The following TNR variants were observed in gnomAD, a reference collection of about 807,000 sequenced individuals.
TNR encodes tenascin R, also known as tenascin-R.
TNR carries 45 observed loss-of-function variants against 150.4 expected under a neutral mutation model. The observed-to-expected ratio is 0.30, with a 90% CI of 0.24 to 0.38. TNR has a LOEUF of 0.38. TNR is among the 10% of genes least tolerant of loss of function. The pLI is 1.00. For missense variants in TNR, 1,544 were observed against 1,759.1 expected (o/e 0.88, Z 2.19); for synonymous variants, 687 against 678.4 (o/e 1.01, Z -0.20).
chr1:175,457,102 G>A (rs777257241), intron 2 of TNR, among the ~76,000 whole-genome samples: 7 of 152,140 alleles, frequency 4.6e-5, no homozygotes, highest in Non-Finnish European at 7.3e-5. Flanking sequence ...ATCCTGTTAA[G>A]GTTCCTCATA....
intron 1 of TNR, among the ~76,000 whole-genome samples, chr1:175,602,309 C>T (rs150447572): frequency 2.3e-3 from 340 of 150,298 alleles, no homozygotes; most frequent in African/African-American, 8.0e-3. Context: ...CAAATTGCAT[C>T]AGAGCTTGTT....
intron 5 of TNR, among the ~76,000 whole-genome samples, chr1:175,394,349 G>A (rs569685280): frequency 6.6e-6 from 1 of 152,168 alleles, no homozygotes; most frequent in Non-Finnish European, 1.5e-5. Context: ...GAAAAGAGAG[G>A]CACAGAGAAA....
At chr1:175,427,889 G>GCTTCCTTCCTTC (rs71129510) in intron 2 of TNR, among the ~76,000 whole-genome samples, 4,324 of 111,450 alleles carry the variant, frequency 0.039, 141 homozygotes, top group African/African-American at 0.076. Context: ...TCCCTTCTTC[G>GCTTCCTTCCTTC]CTTCCTTCCT....
chr1:175,593,293 C>G (rs1662874583), intron 1 of TNR, among the ~76,000 whole-genome samples: 1 of 152,174 alleles, frequency 6.6e-6, no homozygotes, highest in African/African-American at 2.4e-5. Context: ...CCTACACCCT[C>G]CAACCCAGCC....
chr1:175,712,495 C>A (rs12045334), intron 1 of TNR, among the ~76,000 whole-genome samples: 6,939 of 152,154 alleles, frequency 0.046, 253 homozygotes, highest in East Asian at 0.16. Flanking sequence ...CCAGGAGTTA[C>A]TAGGTAGCAG....
At chr1:175,371,068 G>GAA (rs35619633) in intron 9 of TNR, among the ~76,000 whole-genome samples, 17,801 of 145,550 alleles carry the variant, frequency 0.12, 1,215 homozygotes, top group Non-Finnish European at 0.15. Context: ...AGTTCTGCTG[G>GAA]AAAAAAAAAA....
chr1:175,482,279 T>C (rs534375341), intron 2 of TNR, among the ~76,000 whole-genome samples: 1 of 152,338 alleles, frequency 6.6e-6, no homozygotes, highest in South Asian at 2.1e-4. Flanking sequence ...ATTATTTATG[T>C]CACATGGATA....
At chr1:175,725,366 T>A (rs894812025) in intron 1 of TNR, among the ~76,000 whole-genome samples, 5 of 152,186 alleles carry the variant, frequency 3.3e-5, no homozygotes, top group African/African-American at 1.2e-4. Context: ...GTTTCCTCAG[T>A]CTTAAGCAAT....
intron 1 of TNR, among the ~76,000 whole-genome samples, chr1:175,604,818 G>T (rs936061718): frequency 1.3e-5 from 2 of 152,116 alleles, no homozygotes; most frequent in African/African-American, 2.4e-5. Context: ...ACCCTTTGCC[G>T]CAGCGCTAAC....
At chr1:175,655,432 G>A (rs1036916781) in intron 1 of TNR, among the ~76,000 whole-genome samples, 16 of 152,148 alleles carry the variant, frequency 1.1e-4, no homozygotes, top group Admixed American at 6.5e-5. Context: ...ATAAGCTAAG[G>A]CTCAGAGAGG....
At chr1:175,698,180 G>A (rs1666587017) in intron 1 of TNR, among the ~76,000 whole-genome samples, 1 of 152,186 alleles carries the variant, frequency 6.6e-6, no homozygotes, top group East Asian at 1.9e-4. Flanking sequence ...TACAATCTAG[G>A]TTAGGAAGAC....
At chr1:175,652,531 G>T (rs532564001) in intron 1 of TNR, among the ~76,000 whole-genome samples, 5 of 152,194 alleles carry the variant, frequency 3.3e-5, no homozygotes, top group Non-Finnish European at 5.9e-5. Flanking sequence ...TTGGCAGAGG[G>T]GCCTGGTGGG....
chr1:175,344,369 A>G (rs1272169404), intron 18 of TNR, among the ~76,000 whole-genome samples: 5 of 152,204 alleles, frequency 3.3e-5, no homozygotes, highest in Non-Finnish European at 5.9e-5. Flanking sequence ...GGAAGTTGAC[A>G]CTAATTGGCC....
At chr1:175,664,780 G>A (rs762375904) in intron 1 of TNR, among the ~76,000 whole-genome samples, 21 of 152,214 alleles carry the variant, frequency 1.4e-4, no homozygotes, top group Non-Finnish European at 2.5e-4. Context: ...CTTGGTAAAT[G>A]TGATCAGCAC....
chr1:175,571,986 CAAACACCCT>C (rs1661891809), intron 1 of TNR, among the ~76,000 whole-genome samples: 2 of 152,196 alleles, frequency 1.3e-5, no homozygotes, highest in Admixed American at 1.3e-4. Flanking sequence ...AATAAGGAAA[CAAACACCCT>C]AGGTGTTTGT....
chr1:175,663,214 C>T (rs1352259927), intron 1 of TNR, among the ~76,000 whole-genome samples: 1 of 152,194 alleles, frequency 6.6e-6, no homozygotes, highest in Non-Finnish European at 1.5e-5. Flanking sequence ...CCACCCTGAG[C>T]TCTGGCCCCT....
In TNR at chr1:175,316,753, C is replaced by T. The variant is rs1027991570; in HGVS notation, c.*6604G>A. 4 of 152,220 alleles carry T rather than the reference C, an allele frequency of 2.6e-5. No homozygotes were observed. The highest frequency in any genetic ancestry group is 1.3e-4 in the Admixed American group (2 of 15,290). 9.4% of individuals were successfully genotyped at this position (152,220 alleles called of 1,614,324 possible). ...CCTCTCATTCTGTTGGGGACCCTCT[C>T]CCTCGTCTACCAAATTTAAAAAGAA... On this transcript the variant is annotated 3_prime_UTR_variant, in exon 23 of 23. Coordinates refer to ENST00000367674, the MANE Select transcript of TNR (RefSeq NM_003285.3).
At chr1:175,453,215 T>TA (rs1379983765) in intron 2 of TNR, among the ~76,000 whole-genome samples, 1 of 152,112 alleles carries the variant, frequency 6.6e-6, no homozygotes, top group South Asian at 2.1e-4. Context: ...AAACGATACT[T>TA]ACAGAAAAGT....
chr1:175,693,232 T>C (rs962100863), intron 1 of TNR, among the ~76,000 whole-genome samples: 7 of 152,258 alleles, frequency 4.6e-5, no homozygotes, highest in African/African-American at 1.7e-4. Flanking sequence ...TCTCTGAGGC[T>C]GGAGTGGCCA....
Sources: allele counts gnomAD v4.1 joint callset (sites outside exome capture counted in the v4.1 genomes callset), GRCh38; gene constraint gnomAD v4.1.1; transcripts MANE v1.5; gene names NCBI Gene and HGNC (gene_info 2026-07-23, HGNC 2026-07-21).